The following RPH3A variants were observed in gnomAD, a reference collection of about 807,000 sequenced individuals.
RPH3A encodes the protein rabphilin 3A.
Under a neutral mutation model 102.2 loss-of-function variants are expected in RPH3A, and 48 were observed. That is an observed-to-expected ratio of 0.47 (90% CI 0.37 to 0.60). The LOEUF is 0.60. Ranked by LOEUF, RPH3A falls within the 20% of genes least tolerant of loss-of-function variation. RPH3A has a pLI of 0.00. For missense variants in RPH3A, 781 were observed against 910.1 expected (o/e 0.86, Z 1.83); for synonymous variants, 310 against 324.3 (o/e 0.96, Z 0.47).
chr12:112,593,537 C>T (rs2039493705), intron 1 of RPH3A, among the ~76,000 whole-genome samples: 1 of 152,218 alleles, frequency 6.6e-6, no homozygotes, highest in Non-Finnish European at 1.5e-5. Flanking sequence ...AAGCTCTTGA[C>T]AGCCAGTGCT....
chr12:112,725,693 G>A (rs1176906054), intron 1 of RPH3A, among the ~76,000 whole-genome samples: 1 of 152,100 alleles, frequency 6.6e-6, no homozygotes, highest in Non-Finnish European at 1.5e-5. Flanking sequence ...TGATCAGATC[G>A]GAGCTACCTG....
At chr12:112,767,512 G>A (rs977171122) in intron 1 of RPH3A, among the ~76,000 whole-genome samples, 1 of 152,224 alleles carries the variant, frequency 6.6e-6, no homozygotes, top group Non-Finnish European at 1.5e-5. Flanking sequence ...CAGGGCCTCC[G>A]TTTCCCCAGT....
intron 3 of RPH3A, chr12:112,831,917 T>G (rs1230625135): frequency 2.4e-6 from 1 of 409,152 alleles, no homozygotes; most frequent in African/African-American, 2.1e-5. Flanking sequence ...TTATTGCTTT[T>G]TTCTACTTGG....
At chr12:112,773,704 G>T (rs531924338) in intron 1 of RPH3A, among the ~76,000 whole-genome samples, 1 of 151,896 alleles carries the variant, frequency 6.6e-6, no homozygotes, top group African/African-American at 2.4e-5. Context: ...TCACCAATGG[G>T]CCACAATGAG....
At chr12:112,795,405 A>T (rs796964175) in intron 2 of RPH3A, among the ~76,000 whole-genome samples, 61 of 152,342 alleles carry the variant, frequency 4.0e-4, no homozygotes, top group African/African-American at 1.4e-3. Context: ...GAAGCTGATG[A>T]TTTTAAATAA....
chr12:112,841,018 A>G, intron 4 of RPH3A, among the ~76,000 whole-genome samples: 1 of 151,626 alleles, frequency 6.6e-6, no homozygotes, highest in East Asian at 1.9e-4. Flanking sequence ...ACATTCCCCT[A>G]ATTAGACCAA....
intron 1 of RPH3A, among the ~76,000 whole-genome samples, chr12:112,701,721 A>G (rs2040395977): frequency 6.6e-6 from 1 of 152,220 alleles, no homozygotes; most frequent in Non-Finnish European, 1.5e-5. Context: ...CTGTGGTTCA[A>G]GGCCTTGAGA....
chr12:112,627,818 G>C (rs2039776834), intron 1 of RPH3A, among the ~76,000 whole-genome samples: 2 of 152,132 alleles, frequency 1.3e-5, no homozygotes, highest in Admixed American at 1.3e-4. Context: ...TTACTATAAA[G>C]AACTACCTGA....
intron 1 of RPH3A, among the ~76,000 whole-genome samples, chr12:112,785,979 T>C (rs949577973): frequency 1.5e-4 from 23 of 151,744 alleles, no homozygotes; most frequent in Admixed American, 5.9e-4. Flanking sequence ...TCATTGCTAT[T>C]CATTAGCTCA....
At chr12:112,825,311 C>T (rs568193084) in intron 2 of RPH3A, among the ~76,000 whole-genome samples, 64 of 152,232 alleles carry the variant, frequency 4.2e-4, no homozygotes, top group Non-Finnish European at 7.6e-4. Flanking sequence ...TTCTCTGCTA[C>T]GGGTCCAACC....
chr12:112,602,649 C>G (rs958012075), intron 1 of RPH3A, among the ~76,000 whole-genome samples: 1 of 152,002 alleles, frequency 6.6e-6, no homozygotes, highest in Non-Finnish European at 1.5e-5. Flanking sequence ...ATTAACCAGG[C>G]GTGGTGGTGC....
chr12:112,755,598 C>A (rs28549835), intron 1 of RPH3A, among the ~76,000 whole-genome samples: 12,123 of 152,064 alleles, frequency 0.08, 1,265 homozygotes, highest in African/African-American at 0.24. Context: ...CTCCATGATC[C>A]CTCGTGAGAA....
At chr12:112,734,375 T>C (rs1483490754) in intron 1 of RPH3A, among the ~76,000 whole-genome samples, 3 of 152,210 alleles carry the variant, frequency 2.0e-5, no homozygotes, top group Non-Finnish European at 4.4e-5. Context: ...GTTCACACAA[T>C]GACCAAATTG....
intron 1 of RPH3A, among the ~76,000 whole-genome samples, chr12:112,611,178 A>ATTCT (rs1328275934): frequency 6.6e-6 from 1 of 152,200 alleles, no homozygotes; most frequent in Non-Finnish European, 1.5e-5. Context: ...GATGTCAAGC[A>ATTCT]TTCTTTCTTT....
intron 1 of RPH3A, among the ~76,000 whole-genome samples, chr12:112,681,789 G>A (rs760946457): frequency 1.3e-5 from 2 of 152,196 alleles, no homozygotes; most frequent in Admixed American, 6.5e-5. Flanking sequence ...GCTGACTTGG[G>A]CAAGCAGATA....
chr12:112,682,135 A>G (rs1374176013), intron 1 of RPH3A, among the ~76,000 whole-genome samples: 3 of 152,214 alleles, frequency 2.0e-5, no homozygotes, highest in Non-Finnish European at 4.4e-5. Context: ...CAGAACTGAT[A>G]GTGTATATAT....
intron 1 of RPH3A, among the ~76,000 whole-genome samples, chr12:112,718,869 T>C (rs1222761511): frequency 6.6e-6 from 1 of 152,254 alleles, no homozygotes; most frequent in Non-Finnish European, 1.5e-5. Flanking sequence ...CCAGCTGATA[T>C]TCAGATCTGT....
Position 112,800,691 on chromosome 12 carries a change from T to C in RPH3A, c.-19+8428T>C, listed in dbSNP as rs1055917662. Among the ~76,000 whole-genome samples the C allele has an allele frequency of 2.0e-5, 3 of 151,696 alleles. No individual in the cohort carries two copies. In the South Asian group the frequency reaches 6.3e-4, roughly 32 times the overall value. ...ACATTTGGGGTGAATTCTGCGGGAGTGCAGACGGGCTTTACTGATGGATCA... is the reference window on the plus strand; with the variant it reads ...ACATTTGGGGTGAATTCTGCGGGAGCGCAGACGGGCTTTACTGATGGATCA... On this transcript the variant is annotated intron_variant, in intron 2 of 21. Coordinates refer to ENST00000389385, the MANE Select transcript of RPH3A (RefSeq NM_001143854.2).
At chr12:112,829,728 T>C (rs562555252) in intron 3 of RPH3A, among the ~76,000 whole-genome samples, 22 of 152,344 alleles carry the variant, frequency 1.4e-4, no homozygotes, top group Non-Finnish European at 2.9e-4. Flanking sequence ...TAAACACTCA[T>C]TTAACAAGAA....
Sources: allele counts gnomAD v4.1 joint callset (sites outside exome capture counted in the v4.1 genomes callset), GRCh38; gene constraint gnomAD v4.1.1; transcripts MANE v1.5; gene names NCBI Gene and HGNC (gene_info 2026-07-23, HGNC 2026-07-21).